SYNE2: variants seen among roughly 807,000 people sequenced by gnomAD.
SYNE2 encodes the protein spectrin repeat containing nuclear envelope protein 2.
SYNE2 carries 431 observed loss-of-function variants against 856.3 expected under a neutral mutation model. The ratio of observed to expected loss-of-function variants is 0.50; its 90% CI spans 0.47 to 0.55. The LOEUF (loss-of-function observed/expected upper bound fraction) is 0.55, where lower values mean the gene tolerates loss of function less well. Among genes scored for constraint, SYNE2 ranks in the 20% least tolerant of loss-of-function variants. The pLI, the probability that SYNE2 is intolerant of heterozygous loss-of-function variation, is 0.00. For synonymous variants in SYNE2, 2,923 were observed against 2,872.3 expected (o/e 1.02, Z -0.56); for missense variants, 8,129 against 8,023.2 (o/e 1.01, Z -0.50).
At chr14:64,189,415 C>T (rs1194202172) in intron 98 of SYNE2, among the ~76,000 whole-genome samples, 1 of 152,028 alleles carries the variant, frequency 6.6e-6, no homozygotes, top group African/African-American at 2.4e-5. Flanking sequence ...GATCAGTGGT[C>T]TCCACAGGGA....
intron 21 of SYNE2, among the ~76,000 whole-genome samples, chr14:63,992,602 A>G (rs1009648919): frequency 3.9e-5 from 6 of 152,092 alleles, no homozygotes. Context: ...TTACCAGAGA[A>G]GGGCTGGAGG....
At chr14:64,021,763 T>C (rs1182739736) in intron 36 of SYNE2, 94 bp from the exon 37 acceptor site, 1 of 1,379,326 alleles carries the variant, frequency 7.2e-7, no homozygotes, top group African/African-American at 1.4e-5. Context: ...CAGAGAGTCA[T>C]TGAGATTTTT....
chr14:63,997,033 G>A lies in SYNE2; in HGVS notation c.3027G>A (p.Gln1009=). The A allele has an allele frequency of 1.2e-6, 2 of 1,614,134 alleles. No individual in the cohort carries two copies. The highest frequency in any genetic ancestry group is 1.7e-6 in the Non-Finnish European group (2 of 1,179,996). The change falls in exon 24 of 116, where the codon CAG becomes CAA. Residue 1009 remains glutamine (Q), a synonymous_variant. Transcript: ENST00000555002. Reference sequence around the variant, plus strand: ...AGCTGTGTGAAGAGCTGCCTTCACAGAAGAGTCAACAAGAAGTGAAGAGAC... The same window carrying A: ...AGCTGTGTGAAGAGCTGCCTTCACAAAAGAGTCAACAAGAAGTGAAGAGAC... ...LRELCEELPS[Q]KSQQEVKRLL...
chr14:64,024,065 A>G (rs1214558284), intron 38 of SYNE2, 192 bp from the exon 39 acceptor site: 1 of 554,582 alleles, frequency 1.8e-6, no homozygotes, highest in Non-Finnish European at 3.3e-6. Flanking sequence ...TGCTTGATGT[A>G]ATTCCCAAGA....
intron 30 of SYNE2, among the ~76,000 whole-genome samples, chr14:64,004,974 T>C (rs1409343669): frequency 1.3e-5 from 2 of 152,150 alleles, no homozygotes; most frequent in Non-Finnish European, 2.9e-5. Context: ...GAAGGTGGCC[T>C]TGGCATCAGA....
chr14:63,917,596 G>A (rs1031820333), intron 2 of SYNE2, among the ~76,000 whole-genome samples: 3 of 152,036 alleles, frequency 2.0e-5, no homozygotes, highest in Non-Finnish European at 4.4e-5. Context: ...TCAGACTCCC[G>A]AGTAGTTGGG....
chr14:64,057,882 A>C (rs2097285998), intron 49 of SYNE2, among the ~76,000 whole-genome samples: 1 of 152,090 alleles, frequency 6.6e-6, no homozygotes, highest in Non-Finnish European at 1.5e-5. Flanking sequence ...GATGCTGAAC[A>C]CCTCTTCATA....
rs1468377101 is a variant in SYNE2 at position 64,003,135 on chromosome 14, A to T, written c.4202A>T (p.Asn1401Ile). The change falls in exon 30 of 116, where the codon AAC becomes ATC. Residue 1401 changes from asparagine to isoleucine, a missense_variant. Transcript: ENST00000555002. Reference sequence around the variant, plus strand: ...CGGGGTGATGACACCTCCTGTGAAAACCTGCTTGATGCTTTTTCAATAAAG... The same window carrying T: ...CGGGGTGATGACACCTCCTGTGAAATCCTGCTTGATGCTTTTTCAATAAAG... ...AERGDDTSCE[N>I]LLDAFSIKLS... The T allele has an allele frequency of 8.1e-6, 13 of 1,614,134 alleles. No homozygotes were observed. Among genetic ancestry groups the T allele is most frequent in the Non-Finnish European group, 1.1e-5 (13 of 1,179,998 alleles).
intron 1 of SYNE2, among the ~76,000 whole-genome samples, chr14:63,775,151 T>TTTTTAGTAGAGATGGGG (rs1887063289): frequency 6.6e-6 from 1 of 152,064 alleles, no homozygotes; most frequent in Non-Finnish European, 1.5e-5. Flanking sequence ...TAATTTTGTA[T>TTTTTAGTAGAGATGGGG]TTTTAGTAGA....
At chr14:63,813,176 C>T (rs898191569) in intron 1 of SYNE2, among the ~76,000 whole-genome samples, 1 of 152,116 alleles carries the variant, frequency 6.6e-6, no homozygotes, top group East Asian at 1.9e-4. Flanking sequence ...ATAAAATCAA[C>T]CACTATTCTT....
At chr14:64,202,474 T>G (rs1311714875) in intron 99 of SYNE2, among the ~76,000 whole-genome samples, 1 of 152,202 alleles carries the variant, frequency 6.6e-6, no homozygotes, top group Non-Finnish European at 1.5e-5. Flanking sequence ...ATGGCATATC[T>G]TCTCACCTCT....
At chr14:64,063,651 A>C (rs1453451872) in intron 50 of SYNE2, among the ~76,000 whole-genome samples, 10 of 152,234 alleles carry the variant, frequency 6.6e-5, no homozygotes, top group Non-Finnish European at 2.9e-5. Context: ...CTGTGGTATT[A>C]TGTTATTAGG....
intron 64 of SYNE2, among the ~76,000 whole-genome samples, chr14:64,105,724 C>T (rs886282356): frequency 2.6e-5 from 4 of 152,136 alleles, no homozygotes; most frequent in African/African-American, 9.7e-5. Context: ...AAGTATATAT[C>T]CATTTAAAAT....
chr14:63,797,097 AAAGAAAAG>A (rs996097359), intron 1 of SYNE2, among the ~76,000 whole-genome samples: 1 of 151,036 alleles, frequency 6.6e-6, no homozygotes, highest in Non-Finnish European at 1.5e-5. Context: ...AAAAAAAAGA[AAAGAAAAG>A]AAAAGAAAAA....
chr14:64,217,627 A>C (rs892940909), intron 108 of SYNE2, among the ~76,000 whole-genome samples: 1 of 152,162 alleles, frequency 6.6e-6, no homozygotes. Context: ...TCCTTGGCTC[A>C]TGTGGCTTGG....
rs760136466 is a variant in SYNE2, at chr14:64,003,123, C to T, written c.4190C>T (p.Thr1397Ile). 5.6e-6 allele frequency: 9 copies of T among 1,614,022 alleles called. No individual in the cohort carries two copies. The highest frequency in any genetic ancestry group is 2.7e-5 in the African/African-American group (2 of 74,928). ...SFKDAERGDD[T>I]SCENLLDAFS... Reference sequence around the variant, plus strand: ...AAAGATGCTGAACGGGGTGATGACACCTCCTGTGAAAACCTGCTTGATGCT... The same window carrying T: ...AAAGATGCTGAACGGGGTGATGACATCTCCTGTGAAAACCTGCTTGATGCT... The change falls in exon 30 of 116, where the codon ACC (threonine) becomes ATC (isoleucine). Residue 1397 changes from threonine to isoleucine, a missense_variant. By Grantham distance (89) the Thr-to-Ile change is moderately conservative. Coordinates refer to ENST00000555002, the MANE Select transcript of SYNE2 (RefSeq NM_182914.3).
In SYNE2 at chr14:64,029,987, CA is replaced by C; in HGVS notation, c.6809del (p.Lys2270ArgfsTer14). The C allele has an allele frequency of 6.2e-7, 1 of 1,613,954 alleles. No homozygotes were observed. The highest frequency in any genetic ancestry group is 2.2e-5 in the East Asian group (1 of 44,872). On this transcript the variant is annotated frameshift_variant, in exon 44 of 116. Coordinates refer to ENST00000555002, the MANE Select transcript of SYNE2 (RefSeq NM_182914.3). LOFTEE classifies it high-confidence loss of function. ...DLNTTLDNFS[K>X]EFVSFSDKPV... is the part of the protein sequence containing the mutation. ...TGAATACTACATTGGACAATTTCTCCAAGGAATTTGTCAGTTTTTCTGATAA... is the reference window on the plus strand; with the variant it reads ...TGAATACTACATTGGACAATTTCTCCAGGAATTTGTCAGTTTTTCTGATAA...
At chr14:64,086,724 T>G (rs2097564936) in intron 57 of SYNE2, among the ~76,000 whole-genome samples, 1 of 135,872 alleles carries the variant, frequency 7.4e-6, no homozygotes, top group Non-Finnish European at 1.6e-5. Context: ...TTTTTTTTTT[T>G]TTTGAGATGG....
chr14:63,975,535 T>A (rs1045189540), intron 11 of SYNE2, among the ~76,000 whole-genome samples: 1 of 152,078 alleles, frequency 6.6e-6, no homozygotes, highest in African/African-American at 2.4e-5. Flanking sequence ...GTTTTTCCCA[T>A]GTTGCCCAAG....
Sources: allele counts gnomAD v4.1 joint callset (sites outside exome capture counted in the v4.1 genomes callset), GRCh38; gene constraint gnomAD v4.1.1; transcripts MANE v1.5; gene names NCBI Gene and HGNC (gene_info 2026-07-23, HGNC 2026-07-21).